Variants in GPC3 observed in about 807,000 individuals in gnomAD.
GPC3 encodes the protein glypican-3.
Under a neutral mutation model 34.4 loss-of-function variants are expected in GPC3, and 3 were observed. The ratio of observed to expected loss-of-function variants is 0.09; its 90% CI spans 0.04 to 0.23. The LOEUF is 0.23. Among genes scored for constraint, GPC3 ranks in the 10% least tolerant of loss-of-function variants. The pLI is 1.00. For synonymous variants in GPC3, 177 were observed against 174.0 expected (o/e 1.02, Z -0.13); for missense variants, 351 against 445.6 (o/e 0.79, Z 1.91).
At chrX:133,769,260 C>T (rs763237401) in intron 2 of GPC3, among the ~76,000 whole-genome samples, 2 of 111,863 alleles carry the variant, frequency 1.8e-5, no homozygotes, top group Non-Finnish European at 3.8e-5. Context: ...TATCATCATT[C>T]AATTGGTACA....
intron 7 of GPC3, among the ~76,000 whole-genome samples, chrX:133,549,442 A>G (rs765131262): frequency 1.8e-5 from 2 of 111,185 alleles, no homozygotes; most frequent in Non-Finnish European, 3.8e-5. Flanking sequence ...CATGGCATTC[A>G]TGAGCCTCCC....
At chrX:133,906,085 C>T (rs2076166537) in intron 2 of GPC3, among the ~76,000 whole-genome samples, 1 of 111,800 alleles carries the variant, frequency 8.9e-6, no homozygotes, top group African/African-American at 3.3e-5. Flanking sequence ...TTAATGAAAC[C>T]AGATCTATTC....
At chrX:133,611,184 TA>T (rs1451011184) in intron 6 of GPC3, among the ~76,000 whole-genome samples, 1 of 97,278 alleles carries the variant, frequency 1.0e-5, no homozygotes, top group African/African-American at 4.0e-5. Flanking sequence ...AATAACAGGC[TA>T]GGGGGAGAGC....
At chrX:133,807,151 G>C (rs773096595) in intron 2 of GPC3, among the ~76,000 whole-genome samples, 4 of 111,332 alleles carry the variant, frequency 3.6e-5, no homozygotes, top group South Asian at 3.9e-4. Flanking sequence ...TGAGTCATGG[G>C]GGGTAGATCT....
intron 3 of GPC3, among the ~76,000 whole-genome samples, chrX:133,745,566 CTT>C (rs1274769271): frequency 8.9e-6 from 1 of 112,564 alleles, no homozygotes; most frequent in Non-Finnish European, 1.9e-5. Context: ...CTCTTTGATA[CTT>C]TCTCTTTAAA....
At chrX:133,665,267 ATCAC>A (rs1183348118) in intron 5 of GPC3, among the ~76,000 whole-genome samples, 1 of 112,262 alleles carries the variant, frequency 8.9e-6, no homozygotes, top group African/African-American at 3.2e-5. Flanking sequence ...GCAGTTTCAT[ATCAC>A]TCAGCTCATT....
chrX:133,558,946 T>TAA (rs1317438261), intron 7 of GPC3, among the ~76,000 whole-genome samples: 126 of 108,252 alleles, frequency 1.2e-3, no homozygotes, highest in African/African-American at 4.1e-3. Context: ...TAAATAAAAA[T>TAA]AAATGTGTCC....
intron 1 of GPC3, among the ~76,000 whole-genome samples, chrX:133,977,914 G>T (rs922717268): frequency 9.0e-6 from 1 of 111,185 alleles, no homozygotes; most frequent in African/African-American, 3.3e-5. Flanking sequence ...ATTCACTTTG[G>T]ATTATGTCCT....
chrX:133,882,311 T>C (rs2076045244), intron 2 of GPC3, among the ~76,000 whole-genome samples: 1 of 111,755 alleles, frequency 8.9e-6, no homozygotes. Flanking sequence ...GTAGAAACTC[T>C]TTAAATCTGG....
chrX:133,824,240 G>A (rs1451901291), intron 2 of GPC3, among the ~76,000 whole-genome samples: 6 of 111,650 alleles, frequency 5.4e-5, no homozygotes, highest in African/African-American at 2.0e-4. Flanking sequence ...GACATTAAAT[G>A]TAAATGGTCT....
intron 2 of GPC3, among the ~76,000 whole-genome samples, chrX:133,777,028 C>T (rs746270278): frequency 1.8e-5 from 2 of 108,219 alleles, no homozygotes; most frequent in Non-Finnish European, 3.8e-5. Flanking sequence ...TACAGGTGCC[C>T]ACCACCACGC....
chrX:133,741,493 C>T (rs1164047454), intron 3 of GPC3, among the ~76,000 whole-genome samples: 1 of 111,235 alleles, frequency 9.0e-6, no homozygotes. Context: ...TTCCAGACAA[C>T]TGAGTCAGCT....
At chrX:133,544,222 C>T (rs979799870) in intron 7 of GPC3, among the ~76,000 whole-genome samples, 2 of 111,456 alleles carry the variant, frequency 1.8e-5, no homozygotes, top group African/African-American at 6.5e-5. Context: ...TAGAGTAAGA[C>T]CCTGTTACAA....
chrX:133,732,474 A>G (rs2071471483), intron 3 of GPC3, among the ~76,000 whole-genome samples: 1 of 111,791 alleles, frequency 8.9e-6, no homozygotes, highest in East Asian at 2.8e-4. Context: ...TTGACTAAGG[A>G]AACTGAAGAA....
At chrX:133,863,656 T>TG (rs775726836) in intron 2 of GPC3, among the ~76,000 whole-genome samples, 1 of 84,025 alleles carries the variant, frequency 1.2e-5, no homozygotes, top group East Asian at 3.6e-4. Flanking sequence ...TCCTTTTTTT[T>TG]TTTTTTTTTT....
At chrX:133,827,760 G>A (rs1386621139) in intron 2 of GPC3, among the ~76,000 whole-genome samples, 1 of 108,772 alleles carries the variant, frequency 9.2e-6, no homozygotes, top group Non-Finnish European at 1.9e-5. Context: ...TCCAGCCTAG[G>A]CAACAGAGTG....
intron 3 of GPC3, among the ~76,000 whole-genome samples, chrX:133,728,592 A>T (rs1240625643): frequency 8.9e-6 from 1 of 112,736 alleles, no homozygotes; most frequent in Non-Finnish European, 1.9e-5. Context: ...GTGGCCTCTC[A>T]GCACTGTATC....
chrX:133,815,495 G>GTTTT (rs2075686837), intron 2 of GPC3, among the ~76,000 whole-genome samples: 6 of 108,654 alleles, frequency 5.5e-5, no homozygotes, highest in Admixed American at 3.9e-4. Flanking sequence ...GTTTTTGTTT[G>GTTTT]AAGCTGCAGA....
intron 2 of GPC3, among the ~76,000 whole-genome samples, chrX:133,889,003 A>G (rs1260602234): frequency 8.9e-6 from 1 of 112,387 alleles, no homozygotes; most frequent in South Asian, 3.7e-4. Flanking sequence ...ATTAGAATAC[A>G]CAAATCTCAC....
Sources: allele counts gnomAD v4.1 joint callset (sites outside exome capture counted in the v4.1 genomes callset), GRCh38; gene constraint gnomAD v4.1.1; transcripts MANE v1.5; gene names NCBI Gene and HGNC (gene_info 2026-07-23, HGNC 2026-07-21).